TBX2: variants seen among roughly 807,000 people sequenced by gnomAD.
TBX2 encodes T-box transcription factor TBX2.
A neutral mutation model predicts 48.4 loss-of-function variants in TBX2; 19 were observed. The ratio of observed to expected loss-of-function variants is 0.39; its 90% CI spans 0.27 to 0.58. The LOEUF (loss-of-function observed/expected upper bound fraction) is 0.58. Among genes scored for constraint, TBX2 ranks in the 20% least tolerant of loss-of-function variants. The pLI, the probability that TBX2 is intolerant of heterozygous loss-of-function variation, is 0.54. For synonymous variants in TBX2, 522 were observed against 459.7 expected, an observed-to-expected ratio of 1.14 and a Z score of -1.73; for missense variants, 994 against 1,006.5, an observed-to-expected ratio of 0.99 and a Z score of 0.17.
At chr17:61,407,809 C>T (rs1402555820) in intron 6 of TBX2, 8 of 529,744 alleles carry the variant, frequency 1.5e-5, no homozygotes, top group East Asian at 1.3e-4. Context: ...TGCTGTAATG[C>T]CCAGCACAGA....
At chr17:61,402,446 C>G (rs916209098) in intron 2 of TBX2, among the ~76,000 whole-genome samples, 2 of 132,384 alleles carry the variant, frequency 1.5e-5, no homozygotes, top group African/African-American at 5.5e-5. Flanking sequence ...AAGACCTTTC[C>G]CTCCTCCCAC....
At chr17:61,407,017 G>T (rs1200186135) in intron 6 of TBX2, 1 of 152,138 alleles carries the variant, frequency 6.6e-6, no homozygotes, top group Non-Finnish European at 1.5e-5. Flanking sequence ...TGGCCAACAG[G>T]TGCATGACCC....
At chr17:61,404,569 G>T (rs763956404) in intron 4 of TBX2, 37 bp from the exon 5 acceptor site, 1 of 1,594,254 alleles carries the variant, frequency 6.3e-7, no homozygotes, top group Non-Finnish European at 8.5e-7. Flanking sequence ...TGGAGGGATG[G>T]GCTCCCCGCT....
chr17:61,405,596 G>T lies in TBX2; in HGVS notation c.1446G>T (p.Pro482=), dbSNP rs1466491038. ...TGCACGGGCAGCAGTTCTTTGGGCCGCTGGGAGCCGGCCAGCCGCTCTTCC... is the reference window on the plus strand; with the variant it reads ...TGCACGGGCAGCAGTTCTTTGGGCCTCTGGGAGCCGGCCAGCCGCTCTTCC... ...SHLHGQQFFG[P]LGAGQPLFLH... Residue 482 remains proline, a synonymous_variant, in exon 6 of 7, where the codon CCG becomes CCT. Coordinates refer to ENST00000240328, the MANE Select transcript of TBX2 (RefSeq NM_005994.4). The T allele has an allele frequency of 1.9e-6, 3 of 1,595,368 alleles. No individual in the cohort carries two copies. The highest frequency in any genetic ancestry group is 2.2e-5 in the East Asian group (1 of 44,452).
rs2060286865 is a variant in TBX2 at position 61,405,855 on chromosome 17, C to A, written c.1686+19C>A. 1 of 1,290,264 alleles carries A rather than the reference C, an allele frequency of 7.8e-7. No individual in the cohort carries two copies. The highest frequency in any genetic ancestry group is 1.5e-5 in the African/African-American group (1 of 65,816). The allele number at this position is 1,290,264 out of a possible 1,614,324, so 79.9% of individuals were successfully genotyped here. A position where few individuals can be genotyped will look rare whatever the true frequency, so the allele number is the denominator to read the frequency against. On this transcript the variant is annotated intron_variant, in intron 6 of 6. Coordinates refer to ENST00000240328, the MANE Select transcript of TBX2 (RefSeq NM_005994.4). Reference sequence around the variant, plus strand: ...ATCTCAGGTAAGGCCTGTGACCCCGCGGCAGCGCCAGCGAGGGAGAAGGCC... The same window carrying A: ...ATCTCAGGTAAGGCCTGTGACCCCGAGGCAGCGCCAGCGAGGGAGAAGGCC...
rs1277509249 is a variant in TBX2, at chr17:61,405,452, G to C, written c.1302G>C (p.Glu434Asp). The change falls in exon 6 of 7, where the codon GAG becomes GAC. Residue 434 changes from glutamate (E) to aspartate (D), a missense_variant. This residue lies in a region of TBX2 where 639 missense variants were observed against 613.2 expected (regional missense o/e 1.04). Coordinates refer to ENST00000240328, the MANE Select transcript of TBX2 (RefSeq NM_005994.4). Reference sequence around the variant, plus strand: ...GCGCCGAAGCTCGGAGGAAGGACGAGGGGCGCAAGGAGGCGGCCGAGGGCA... The same window carrying C: ...GCGCCGAAGCTCGGAGGAAGGACGACGGGCGCAAGGAGGCGGCCGAGGGCA... The part of the protein sequence containing the change: ...KERAEARRKD[E>D]GRKEAAEGKE... The C allele has an allele frequency of 6.4e-7, 1 of 1,572,726 alleles. No homozygotes were observed. Among genetic ancestry groups the C allele is most frequent in the South Asian group, 1.2e-5 (1 of 86,176 alleles).
rs1427588954 is a variant in TBX2, at chr17:61,408,265, G to A, written c.1898G>A (p.Ser633Asn). ...PYQIPVTIPP[S>N]TSLLTTGLAS... ...CAGATCCCGGTCACCATCCCGCCTA[G>A]CACTAGCCTCCTCACCACCGGGCTG... The change falls in exon 7 of 7, where the codon AGC (serine) becomes AAC (asparagine). Residue 633 changes from serine to asparagine, a missense_variant. Physicochemically the swap from Ser to Asn is conservative, Grantham distance 46. This residue lies in a region of TBX2 where 639 missense variants were observed against 613.2 expected (regional missense o/e 1.04). Transcript: ENST00000240328. 10 of 1,612,670 alleles carry A rather than the reference G, an allele frequency of 6.2e-6. No individual in the cohort carries two copies. The highest frequency in any genetic ancestry group is 7.6e-6 in the Non-Finnish European group (9 of 1,179,918).
At chr17:61,402,859 A>C (rs1175057327) in intron 2 of TBX2, among the ~76,000 whole-genome samples, 3 of 151,126 alleles carry the variant, frequency 2.0e-5, no homozygotes, top group African/African-American at 7.3e-5. Context: ...GCGAGAGGAA[A>C]AGTAGAAGAA....
At chr17:61,404,541 A>T (rs765517915) in intron 4 of TBX2, 44 bp downstream of exon 4, 1 of 1,586,590 alleles carries the variant, frequency 6.3e-7, no homozygotes, top group South Asian at 1.1e-5. Flanking sequence ...TGCCCGCGGG[A>T]GCAGCGAGCA....
In TBX2 at chr17:61,400,603, G is replaced by C. The variant is rs1175007843; in HGVS notation, c.395+32G>C. The C allele has an allele frequency of 8.9e-6, 13 of 1,461,048 alleles. No individual in the cohort carries two copies. The highest frequency in any genetic ancestry group is 2.7e-5 in the East Asian group (1 of 37,106). The allele number at this position is 1,461,048 out of a possible 1,614,324, so 90.5% of individuals were successfully genotyped here. A position where few individuals can be genotyped will look rare whatever the true frequency, so the allele number is the denominator to read the frequency against. On this transcript the variant is annotated intron_variant, in intron 1 of 6. Transcript: ENST00000240328. This position sits in a 1 kb window ranked among gnomAD's most constrained non-coding sequence, Gnocchi z 9.2. ...CTGCCGGCCGGCTGGAAGGCGCGCG[G>C]GCGGGCGGGCGGGCTGGGGCACGGG...
chr17:61,400,252 A>G lies in TBX2; in HGVS notation c.76A>G (p.Met26Val). ...FHAPRPADFPMSAFLAAAQPS... is the reference protein window; with the variant it reads ...FHAPRPADFPVSAFLAAAQPS... ...CGCGCCACGGCCCGCCGACTTCCCCATGTCCGCCTTTCTGGCGGCGGCGCA... is the reference window on the plus strand; with the variant it reads ...CGCGCCACGGCCCGCCGACTTCCCCGTGTCCGCCTTTCTGGCGGCGGCGCA... The change falls in exon 1 of 7, where the codon ATG (methionine) becomes GTG (valine). Residue 26 changes from methionine (M) to valine (V), a missense_variant. Physicochemically the swap from Met to Val is conservative, Grantham distance 21. Coordinates refer to ENST00000240328, the MANE Select transcript of TBX2 (RefSeq NM_005994.4). This position sits in a 1 kb window ranked among gnomAD's most constrained non-coding sequence, Gnocchi z 9.2. 3.3e-6 allele frequency: 4 copies of G among 1,204,014 alleles called. No individual in the cohort carries two copies. The highest frequency in any genetic ancestry group is 4.2e-6 in the Non-Finnish European group (4 of 946,340). 74.6% of individuals were successfully genotyped at this position (1,204,014 alleles called of 1,614,324 possible).
Position 61,408,105 on chromosome 17 carries a change from A to G in TBX2, c.1738A>G (p.Met580Val), listed in dbSNP as rs746235173. ...CCTCTTCCCCTACCCCTACACCTAC[A>G]TGGCAGCAGCAGCCGCAGCCGCCTC... is the stretch of plus-strand genomic sequence containing the variant. ...GGLFPYPYTYMAAAAAAASAL... is the reference protein window; with the variant it reads ...GGLFPYPYTYVAAAAAAASAL... Residue 580 changes from methionine to valine, a missense_variant, in exon 7 of 7, where the codon ATG becomes GTG. Transcript: ENST00000240328. 6.2e-7 allele frequency: 1 copy of G among 1,610,582 alleles called. No homozygotes were observed. The highest frequency in any genetic ancestry group is 1.1e-5 in the South Asian group (1 of 90,730).
At chr17:61,407,983 T>C (rs1603242005) in intron 6 of TBX2, 71 bp from the exon 7 acceptor site, 2 of 1,497,186 alleles carry the variant, frequency 1.3e-6, no homozygotes, top group Non-Finnish European at 1.8e-6. Context: ...GTCCAGGGGA[T>C]AGCACCCAGC....
Position 61,409,261 on chromosome 17 carries a change from T to TG in TBX2, c.*762dup, listed in dbSNP as rs911861508. On this transcript the variant is annotated 3_prime_UTR_variant, in exon 7 of 7. Transcript: ENST00000240328. ...CGTGAGCATCTATATTGTACAGGGC[T>TG]GGGGGGGCCCTTGGCTGCGGGAGAA... 6 of 152,190 alleles carry TG rather than the reference T, an allele frequency of 3.9e-5. No individual in the cohort carries two copies. The highest frequency in any genetic ancestry group is 2.1e-4 in the South Asian group (1 of 4,800). The allele number at this position is 152,190 out of a possible 1,614,324, so 9.4% of individuals were successfully genotyped here. A position where few individuals can be genotyped will look rare whatever the true frequency, so the allele number is the denominator to read the frequency against.
intron 6 of TBX2, 58 bp downstream of exon 6, chr17:61,405,894 G>C (rs2060287136): frequency 2.4e-6 from 3 of 1,260,598 alleles, no homozygotes; most frequent in Non-Finnish European, 3.0e-6. Context: ...GGAGCTGGCG[G>C]CGAGGCCAGC....
rs1603241770 is a variant in TBX2, at chr17:61,406,241, C to G, written c.1686+405C>G. Reference sequence around the variant, plus strand: ...TTCTTGAGAACAAAGACCCTTGGCTCCCTGTCCATTCTGAAAGGCTAAGGT... The same window carrying G: ...TTCTTGAGAACAAAGACCCTTGGCTGCCTGTCCATTCTGAAAGGCTAAGGT... On this transcript the variant is annotated intron_variant, in intron 6 of 6. Coordinates refer to ENST00000240328, the MANE Select transcript of TBX2 (RefSeq NM_005994.4). This position sits in a 1 kb window ranked among gnomAD's most constrained non-coding sequence, Gnocchi z 5.7. The G allele has an allele frequency of 5.6e-6, 1 of 178,222 alleles. No homozygotes were observed. Among genetic ancestry groups the G allele is most frequent in the Non-Finnish European group, 1.2e-5 (1 of 85,760 alleles). The allele number at this position is 178,222 out of a possible 1,614,324, so 11.0% of individuals were successfully genotyped here.
At position 61,403,607 on chromosome 17, in the gene TBX2, C is replaced by T. The variant is rs1318277051; in HGVS notation, c.810+400C>T. ...CCAGGCTCTACCGATGCTCAGAACC[C>T]GGGGCCCAGTTTTCACTCTCTCGGG... On this transcript the variant is annotated intron_variant, in intron 3 of 6. Transcript: ENST00000240328. The surrounding 1 kb of genome is among the most constrained non-coding windows in gnomAD (Gnocchi z 5.8). 3.3e-5 allele frequency among the ~76,000 whole-genome samples: 5 copies of T among 151,790 alleles called. No homozygotes were observed. The highest frequency in any genetic ancestry group is 1.2e-4 in the African/African-American group (5 of 41,302).
Position 61,403,337 on chromosome 17 carries a change from A to G in TBX2, c.810+130A>G. On this transcript the variant is annotated intron_variant, in intron 3 of 6. Coordinates refer to ENST00000240328, the MANE Select transcript of TBX2 (RefSeq NM_005994.4). The surrounding 1 kb of genome is among the most constrained non-coding windows in gnomAD (Gnocchi z 5.8). ...GCGCTCTTGCGGCCCGCCCCCGAGC[A>G]CCGAGCCTCGCATCCATACGCGCAG... is the stretch of plus-strand genomic sequence containing the variant. 3 of 1,416,348 alleles carry G rather than the reference A, an allele frequency of 2.1e-6. No homozygotes were observed. In the East Asian group the frequency reaches 7.7e-5, roughly 36 times the overall value. The allele number at this position is 1,416,348 out of a possible 1,614,324, so 87.7% of individuals were successfully genotyped here.
chr17:61,405,959 A>G, intron 6 of TBX2, 123 bp downstream of exon 6: 1 of 1,060,444 alleles, frequency 9.4e-7, no homozygotes, highest in Non-Finnish European at 1.2e-6. Flanking sequence ...CAAGAACTCC[A>G]TCCAGGGGAG....
Sources: gnomAD v4.1 joint callset for allele counts (sites outside exome capture counted in the v4.1 genomes callset) on GRCh38, gnomAD v4.1.1 for gene constraint, gnomAD v4.1.1 regional missense constraint, Gnocchi (gnomAD v3.1) non-coding constraint, MANE v1.5 for transcripts, NCBI Gene and HGNC (gene_info 2026-07-23, HGNC 2026-07-21) for gene names.